The following RALYL variants were observed in gnomAD, a reference collection of about 807,000 sequenced individuals.
RALYL encodes RNA-binding Raly-like protein.
RALYL carries 29 observed loss-of-function variants against 35.1 expected under a neutral mutation model. The observed-to-expected ratio is 0.83, with a 90% confidence interval of 0.61 to 1.13. RALYL has a LOEUF of 1.13. RALYL is among the 50% of genes most tolerant of loss of function. RALYL has a pLI of 0.00. For missense variants in RALYL, 359 were observed against 360.4 expected (o/e 1.00, Z 0.03); for synonymous variants, 120 against 127.6 (o/e 0.94, Z 0.40).
intron 1 of RALYL, among the ~76,000 whole-genome samples, chr8:84,232,749 A>G (rs1020188508): frequency 1.3e-5 from 2 of 152,134 alleles, no homozygotes; most frequent in East Asian, 1.9e-4. Flanking sequence ...TAACAATTTT[A>G]TCTGTCAGTT....
chr8:84,275,256 G>C lies in RALYL; in HGVS notation c.-24+90832G>C, dbSNP rs1273108781. ...TTGAAATCTTAGCTTGCTATTTTTT[G>C]AGTATTTTGTGCATGTATATTAAAT... On this transcript the variant is annotated intron_variant, in intron 1 of 8. Coordinates refer to ENST00000521268, the MANE Select transcript of RALYL (RefSeq NM_173848.7). Among the ~76,000 whole-genome samples, 3 of 151,884 alleles carry C rather than the reference G, an allele frequency of 2.0e-5. No individual in the cohort carries two copies. The East Asian group carries it at 5.8e-4, about 29-fold the overall frequency.
chr8:84,759,172 T>A (rs775029633), intron 2 of RALYL, among the ~76,000 whole-genome samples: 20 of 152,180 alleles, frequency 1.3e-4, no homozygotes, highest in Non-Finnish European at 2.4e-4. Context: ...GTACCCAGAT[T>A]ATCCAGGTAA....
rs577458104 is a variant in RALYL at position 84,320,060 on chromosome 8, G to A, written c.-24+135636G>A. 1.1e-3 allele frequency among the ~76,000 whole-genome samples: 173 copies of A among 151,890 alleles called. 1 individual carries two copies. Among genetic ancestry groups the A allele is most frequent in the South Asian group, 3.9e-3 (19 of 4,816 alleles). ...TAAGCTGGGTAAATGCTTTCTCCACGTTTGAATTCCAGTCTCTATAGTTGG... is the reference window on the plus strand; with the variant it reads ...TAAGCTGGGTAAATGCTTTCTCCACATTTGAATTCCAGTCTCTATAGTTGG... On this transcript the variant is annotated intron_variant, in intron 1 of 8. Transcript: ENST00000521268.
At chr8:84,649,225 T>A in intron 2 of RALYL, among the ~76,000 whole-genome samples, 1 of 152,158 alleles carries the variant, frequency 6.6e-6, no homozygotes, top group East Asian at 1.9e-4. Flanking sequence ...TCCCATTTTT[T>A]AGGTTGCCTG....
chr8:84,206,938 C>A (rs1345714432), intron 1 of RALYL, among the ~76,000 whole-genome samples: 1 of 151,180 alleles, frequency 6.6e-6, no homozygotes, highest in Admixed American at 6.6e-5. Context: ...GTTACATAAT[C>A]ATCAGGAAAT....
rs182995619 is a variant in RALYL at position 84,301,487 on chromosome 8, G to A, written c.-24+117063G>A. 4.0e-3 allele frequency among the ~76,000 whole-genome samples: 608 copies of A among 152,112 alleles called. 5 individuals carry two copies. The highest frequency in any genetic ancestry group is 0.014 in the African/African-American group (584 of 41,522). Reference sequence around the variant, plus strand: ...TATCTTCAAACATCTTATCCAACTTGCTTGCTTTCTCTCCCATTTCTTACT... The same window carrying A: ...TATCTTCAAACATCTTATCCAACTTACTTGCTTTCTCTCCCATTTCTTACT... On this transcript the variant is annotated intron_variant, in intron 1 of 8. Coordinates refer to ENST00000521268, the MANE Select transcript of RALYL (RefSeq NM_173848.7).
At chr8:84,872,400 G>A (rs913900370) in intron 6 of RALYL, 4 of 152,118 alleles carry the variant, frequency 2.6e-5, no homozygotes, top group Non-Finnish European at 5.9e-5. Flanking sequence ...AATAAGGACA[G>A]TGCAGTAAAT....
At chr8:84,878,892 T>C (rs572689139) in intron 7 of RALYL, among the ~76,000 whole-genome samples, 1 of 152,264 alleles carries the variant, frequency 6.6e-6, no homozygotes, top group East Asian at 1.9e-4. Context: ...TCTGTATTCA[T>C]TCTGAGTTGG....
At chr8:84,271,175 A>T (rs1834239031) in intron 1 of RALYL, among the ~76,000 whole-genome samples, 1 of 151,972 alleles carries the variant, frequency 6.6e-6, no homozygotes, top group African/African-American at 2.4e-5. Flanking sequence ...TAAAAAAAAA[A>T]CAGGTGAAGA....
intron 2 of RALYL, among the ~76,000 whole-genome samples, chr8:84,661,553 T>C (rs1196552953): frequency 1.3e-5 from 2 of 151,790 alleles, no homozygotes; most frequent in Non-Finnish European, 2.9e-5. Context: ...TATTTTGATA[T>C]AGGCATGGCT....
intron 5 of RALYL, among the ~76,000 whole-genome samples, chr8:84,850,701 A>T (rs1043761339): frequency 6.6e-6 from 1 of 152,266 alleles, no homozygotes; most frequent in Non-Finnish European, 1.5e-5. Context: ...TATCAAAAGT[A>T]GTTGAAACAG....
intron 1 of RALYL, among the ~76,000 whole-genome samples, chr8:84,222,088 C>T (rs1243915762): frequency 2.0e-5 from 3 of 151,906 alleles, no homozygotes; most frequent in Non-Finnish European, 4.4e-5. Context: ...ATCATGGCTG[C>T]ATTAATATCG....
At position 84,576,744 on chromosome 8, in the gene RALYL, C is replaced by G. The variant is rs74430053; in HGVS notation, c.256+47167C>G. Among the ~76,000 whole-genome samples the G allele has an allele frequency of 3.4e-4, 52 of 152,294 alleles. 1 individual carries two copies. In the East Asian group the frequency reaches 0.01, roughly 29 times the overall value. On this transcript the variant is annotated intron_variant, in intron 2 of 8. Coordinates refer to ENST00000521268, the MANE Select transcript of RALYL (RefSeq NM_173848.7). ...ATCTGTCTATTGCTGGAGACAAAAT[C>G]TGACATATAGTAAGTTCTCAATAAT...
At chr8:84,461,002 G>T (rs1382517173) in intron 1 of RALYL, among the ~76,000 whole-genome samples, 1 of 151,536 alleles carries the variant, frequency 6.6e-6, no homozygotes, top group Non-Finnish European at 1.5e-5. Context: ...GTTTGCTAAA[G>T]GTGGTAGGAT....
intron 1 of RALYL, among the ~76,000 whole-genome samples, chr8:84,388,707 A>C (rs1859853228): frequency 6.6e-6 from 1 of 151,492 alleles, no homozygotes; most frequent in Non-Finnish European, 1.5e-5. Context: ...TTTTCTTGTA[A>C]ATTTGTTTGA....
chr8:84,491,709 A>G (rs978402730), intron 1 of RALYL, among the ~76,000 whole-genome samples: 1 of 152,066 alleles, frequency 6.6e-6, no homozygotes, highest in Non-Finnish European at 1.5e-5. Flanking sequence ...ATTTTCCTTT[A>G]AAATGAATTT....
At chr8:84,292,188 A>ATCT (rs1365333645) in intron 1 of RALYL, among the ~76,000 whole-genome samples, 2 of 152,144 alleles carry the variant, frequency 1.3e-5, no homozygotes, top group Non-Finnish European at 2.9e-5. Flanking sequence ...TAGTTTGTGA[A>ATCT]TCTTAACCTT....
intron 1 of RALYL, among the ~76,000 whole-genome samples, chr8:84,493,113 T>C (rs2055539917): frequency 6.6e-6 from 1 of 152,126 alleles, no homozygotes; most frequent in Non-Finnish European, 1.5e-5. Flanking sequence ...TTCCCCTCCC[T>C]GTGTCCATGT....
chr8:84,504,569 A>G (rs569692611), intron 1 of RALYL, among the ~76,000 whole-genome samples: 70 of 152,302 alleles, frequency 4.6e-4, no homozygotes, highest in African/African-American at 1.6e-3. Flanking sequence ...AACAGTTTCC[A>G]TGGTGGTTAC....
Sources: allele counts gnomAD v4.1 joint callset (sites outside exome capture counted in the v4.1 genomes callset), GRCh38; gene constraint gnomAD v4.1.1; transcripts MANE v1.5; gene names NCBI Gene and HGNC (gene_info 2026-07-23, HGNC 2026-07-21).